The following PTPDC1 variants were observed in gnomAD, a reference collection of about 807,000 sequenced individuals.
PTPDC1 encodes protein tyrosine phosphatase domain-containing protein 1.
Under a neutral mutation model 75.3 loss-of-function variants are expected in PTPDC1, and 53 were observed. The observed-to-expected ratio is 0.70, with a 90% confidence interval of 0.56 to 0.88. The LOEUF (loss-of-function observed/expected upper bound fraction) is 0.88. PTPDC1 is among the 40% of genes least tolerant of loss of function. The probability of loss-of-function intolerance (pLI) is 0.00; values close to 1 mark genes in which losing one functional copy is unlikely to be tolerated. For missense variants in PTPDC1, 925 were observed against 998.6 expected, an observed-to-expected ratio of 0.93 and a Z score of 0.99; for synonymous variants, 349 against 366.2, an observed-to-expected ratio of 0.95 and a Z score of 0.54.
In PTPDC1 at chr9:94,088,284, T is replaced by C. The variant is rs751742079; in HGVS notation, c.616+21T>C. ...TGGCAGTAAGTTCCTCCCACCCTCC[T>C]CTCATGAATTATCAAGGGCAGCACT... On this transcript the variant is annotated intron_variant, in intron 4 of 8. Transcript: ENST00000620992. 3.1e-6 allele frequency: 5 copies of C among 1,610,452 alleles called. No individual in the cohort carries two copies. The South Asian group carries it at 4.4e-5, about 14-fold the overall frequency.
chr9:94,048,000 C>T (rs1011537246), intron 1 of PTPDC1, among the ~76,000 whole-genome samples: 3 of 152,178 alleles, frequency 2.0e-5, no homozygotes, highest in Admixed American at 6.5e-5. Context: ...CAAAGAGGAG[C>T]TGGTACCATT....
Position 94,098,111 on chromosome 9 carries a change from T to C in PTPDC1, c.1545T>C (p.Phe515=). 6.2e-7 allele frequency: 1 copy of C among 1,614,216 alleles called. No individual in the cohort carries two copies. Among genetic ancestry groups the C allele is most frequent in the Non-Finnish European group, 8.5e-7 (1 of 1,180,038 alleles). The change falls in exon 6 of 9, where the codon TTT becomes TTC. Residue 515 remains phenylalanine (F), a synonymous_variant. Transcript: ENST00000620992. ...STLSFWSQSK[F]GGLEGLKDNG... ...TTTCTTTCTGGAGTCAGTCAAAGTT[T>C]GGAGGCCTGGAAGGACTCAAAGATA...
chr9:94,073,063 A>C (rs1282055292), intron 2 of PTPDC1, among the ~76,000 whole-genome samples: 1 of 151,858 alleles, frequency 6.6e-6, no homozygotes, highest in East Asian at 1.9e-4. Context: ...TCCTTCTTCT[A>C]TTTTCTGGAA....
chr9:94,045,343 C>G (rs1164052366), intron 1 of PTPDC1, among the ~76,000 whole-genome samples: 1 of 152,064 alleles, frequency 6.6e-6, no homozygotes, highest in East Asian at 1.9e-4. Flanking sequence ...ATTTATAATC[C>G]TTTGGATATA....
chr9:94,103,978 A>T (rs150857819), intron 7 of PTPDC1, among the ~76,000 whole-genome samples: 42 of 152,358 alleles, frequency 2.8e-4, no homozygotes, highest in African/African-American at 9.6e-4. Flanking sequence ...GAATGGGAAA[A>T]TCTATTCAGT....
At chr9:94,047,259 G>C (rs1312677717) in intron 1 of PTPDC1, among the ~76,000 whole-genome samples, 1 of 152,106 alleles carries the variant, frequency 6.6e-6, no homozygotes, top group Admixed American at 6.5e-5. Context: ...GTATTTTATT[G>C]AGGATTTTTA....
intron 4 of PTPDC1, among the ~76,000 whole-genome samples, chr9:94,089,236 C>G (rs1413409018): frequency 3.4e-5 from 4 of 116,848 alleles, no homozygotes; most frequent in African/African-American, 9.8e-5. Context: ...CCCCTCCCCC[C>G]ACCCCACAAC....
intron 2 of PTPDC1, among the ~76,000 whole-genome samples, chr9:94,067,594 C>G (rs1207749298): frequency 6.6e-6 from 1 of 151,998 alleles, no homozygotes; most frequent in Non-Finnish European, 1.5e-5. Context: ...AAAGTCAATA[C>G]ATTGTAATTG....
At chr9:94,105,230 C>T (rs1827973109) in intron 8 of PTPDC1, among the ~76,000 whole-genome samples, 1 of 152,176 alleles carries the variant, frequency 6.6e-6, no homozygotes, top group South Asian at 2.1e-4. Flanking sequence ...TGGCACTAAC[C>T]ACTGACATCT....
intron 4 of PTPDC1, among the ~76,000 whole-genome samples, chr9:94,091,417 A>G (rs1433353647): frequency 6.6e-6 from 1 of 152,018 alleles, no homozygotes; most frequent in Non-Finnish European, 1.5e-5. Flanking sequence ...CCAGCCTTGC[A>G]TCCCAGGGAT....
chr9:94,037,506 G>T (rs1825307409), intron 1 of PTPDC1, among the ~76,000 whole-genome samples: 1 of 152,038 alleles, frequency 6.6e-6, no homozygotes, highest in South Asian at 2.1e-4. Context: ...ATAAAAATGA[G>T]ATATGTTCTC....
chr9:94,034,866 G>A (rs747386268), intron 1 of PTPDC1, among the ~76,000 whole-genome samples: 3 of 151,948 alleles, frequency 2.0e-5, no homozygotes, highest in Non-Finnish European at 2.9e-5. Flanking sequence ...TTTATGGGGT[G>A]CAAAATGATG....
chr9:94,091,980 C>A (rs1188562273), intron 4 of PTPDC1, among the ~76,000 whole-genome samples: 1 of 147,952 alleles, frequency 6.8e-6, no homozygotes, highest in Non-Finnish European at 1.5e-5. Flanking sequence ...CTCTTTTTTT[C>A]TTTATTAGTC....
chr9:94,063,162 G>C (rs1826194212), intron 1 of PTPDC1, among the ~76,000 whole-genome samples: 1 of 152,206 alleles, frequency 6.6e-6, no homozygotes. Context: ...TGTGGGACAA[G>C]GCAGGACCTT....
intron 1 of PTPDC1, among the ~76,000 whole-genome samples, chr9:94,061,442 C>CA (rs1826131472): frequency 6.6e-6 from 1 of 152,242 alleles, no homozygotes; most frequent in Non-Finnish European, 1.5e-5. Flanking sequence ...AGGCAGTGCC[C>CA]CAGTGGGGAC....
In PTPDC1 at chr9:94,101,683, A is replaced by G. The variant is rs1351816317; in HGVS notation, c.2131A>G (p.Lys711Glu). ...GCAACTGAAGGAGCCTGTAATCACC[A>G]AAGAGGATGTGGACATGTTGGTTGA... Reference protein sequence around the residue: ...VEQLKEPVITKEDVDMLVDRR... With the variant: ...VEQLKEPVITEEDVDMLVDRR... Residue 711 changes from lysine to glutamate, a missense_variant, in exon 7 of 9, where the codon AAA (lysine) becomes GAA (glutamate). By Grantham distance (56) the Lys-to-Glu change is moderately conservative. Coordinates refer to ENST00000620992, the MANE Select transcript of PTPDC1 (RefSeq NM_001253829.2). 6.2e-7 allele frequency: 1 copy of G among 1,613,814 alleles called. No homozygotes were observed. Among genetic ancestry groups the G allele is most frequent in the East Asian group, 2.2e-5 (1 of 44,876 alleles).
At chr9:94,031,793 A>G (rs1452671824) in intron 1 of PTPDC1, among the ~76,000 whole-genome samples, 1 of 152,144 alleles carries the variant, frequency 6.6e-6, no homozygotes, top group Non-Finnish European at 1.5e-5. Flanking sequence ...GGAGAGGGGG[A>G]AAATCAAGAA....
chr9:94,100,862 C>T (rs1391286548), intron 6 of PTPDC1: 1 of 152,196 alleles, frequency 6.6e-6, no homozygotes, highest in Non-Finnish European at 1.5e-5. Flanking sequence ...TTTTCCCTTG[C>T]TCTCTGTGAG....
chr9:94,102,358 GAT>G (rs1827871870), intron 7 of PTPDC1, among the ~76,000 whole-genome samples: 1 of 151,096 alleles, frequency 6.6e-6, no homozygotes, highest in Non-Finnish European at 1.5e-5. Flanking sequence ...ATATATAAAA[GAT>G]ATATGTTTAA....
Sources: allele counts gnomAD v4.1 joint callset (sites outside exome capture counted in the v4.1 genomes callset), GRCh38; gene constraint gnomAD v4.1.1; transcripts MANE v1.5; gene names NCBI Gene and HGNC (gene_info 2026-07-23, HGNC 2026-07-21).